Variants in JAKMIP1 observed in about 807,000 individuals in gnomAD.
The protein encoded by JAKMIP1 is janus kinase and microtubule interacting protein 1, also known as janus kinase and microtubule-interacting protein 1.
JAKMIP1 carries 33 observed loss-of-function variants against 113.0 expected under a neutral mutation model. That is an observed-to-expected ratio of 0.29 (90% CI 0.22 to 0.39). JAKMIP1 has a LOEUF of 0.39. JAKMIP1 is among the 10% of genes least tolerant of loss of function. The pLI, the probability that JAKMIP1 is intolerant of heterozygous loss-of-function variation, is 1.00. For missense variants in JAKMIP1, 813 were observed against 1,080.5 expected (o/e 0.75, Z 3.47); for synonymous variants, 480 against 459.9 (o/e 1.04, Z -0.56).
In JAKMIP1 at chr4:6,185,337, C is replaced by T. The variant is rs956895274; in HGVS notation, c.-148+14916G>A. Among the ~76,000 whole-genome samples the T allele has an allele frequency of 1.1e-4, 16 of 152,094 alleles. 1 individual carries two copies. Among genetic ancestry groups the T allele is most frequent in the Middle Eastern group, 3.2e-3 (1 of 316 alleles). ...ACTGGAGAGTGTATTGGAATTGCTC[C>T]GAGGGCTCATTAAAAGCCAGACCCC... On this transcript the variant is annotated intron_variant, in intron 1 of 20. Transcript: ENST00000409021. This position sits in a 1 kb window ranked among gnomAD's most constrained non-coding sequence, Gnocchi z 5.3.
intron 3 of JAKMIP1, among the ~76,000 whole-genome samples, chr4:6,095,792 G>A (rs1199762321): frequency 6.6e-5 from 10 of 150,704 alleles, no homozygotes; most frequent in South Asian, 2.1e-4. Flanking sequence ...GGCGGGGGGC[G>A]TCTGCTATGC....
intron 3 of JAKMIP1, among the ~76,000 whole-genome samples, chr4:6,098,484 A>C (rs1712224641): frequency 6.6e-6 from 1 of 150,868 alleles, no homozygotes; most frequent in Non-Finnish European, 1.5e-5. Context: ...AAGGAAAGAA[A>C]GAAAAGAGAA....
intron 1 of JAKMIP1, among the ~76,000 whole-genome samples, chr4:6,149,775 G>A (rs1721335386): frequency 6.6e-6 from 1 of 152,024 alleles, no homozygotes; most frequent in South Asian, 2.1e-4. Context: ...TTTGCTACCG[G>A]GCTGGGGAAG....
chr4:6,163,423 G>A (rs575102844), intron 1 of JAKMIP1, among the ~76,000 whole-genome samples: 23 of 152,284 alleles, frequency 1.5e-4, no homozygotes, highest in Middle Eastern at 3.4e-3. Flanking sequence ...ATATAATACA[G>A]AGAAGTTAAT....
intron 5 of JAKMIP1, among the ~76,000 whole-genome samples, chr4:6,083,272 G>A (rs1244320737): frequency 4.0e-5 from 6 of 151,822 alleles, no homozygotes; most frequent in Non-Finnish European, 5.9e-5. Context: ...GTGTGTTGGC[G>A]GGTGCCTGTA....
chr4:6,060,627 G>C lies in JAKMIP1; in HGVS notation c.1561-120C>G, dbSNP rs148869483. The C allele has an allele frequency of 1.5e-3, 1,114 of 754,294 alleles. 10 individuals carry two copies. In the African/African-American group the frequency reaches 0.017, roughly 12 times the overall value. The allele number at this position is 754,294 out of a possible 1,614,324, so 46.7% of individuals were successfully genotyped here. ...TCCTTATAGGCAAACCTTAGGAACA[G>C]GTTCACTTTTAGGAGCACGTATTCA... is the stretch of plus-strand genomic sequence containing the variant. On this transcript the variant is annotated intron_variant, in intron 10 of 20. Coordinates refer to ENST00000409021, the MANE Select transcript of JAKMIP1 (RefSeq NM_001099433.2).
chr4:6,045,194 C>T (rs1386198924), intron 16 of JAKMIP1, among the ~76,000 whole-genome samples: 1 of 152,270 alleles, frequency 6.6e-6, no homozygotes, highest in African/African-American at 2.4e-5. Flanking sequence ...ATTCTCCTAT[C>T]CATCGTTACT....
intron 1 of JAKMIP1, among the ~76,000 whole-genome samples, chr4:6,149,303 C>T (rs544620381): frequency 5.3e-5 from 8 of 152,284 alleles, no homozygotes; most frequent in Non-Finnish European, 8.8e-5. Context: ...AGTGTTTACT[C>T]TCCCCACAGG....
At chr4:6,198,992 C>T (rs112551446) in intron 1 of JAKMIP1, among the ~76,000 whole-genome samples, 4,299 of 152,368 alleles carry the variant, frequency 0.028, 203 homozygotes, top group African/African-American at 0.098. Flanking sequence ...ACCTCCTCCT[C>T]TGCTCTGGAA....
chr4:6,121,071 G>A (rs762675438), intron 1 of JAKMIP1, among the ~76,000 whole-genome samples: 10 of 151,880 alleles, frequency 6.6e-5, no homozygotes, highest in South Asian at 2.1e-4. Context: ...AAGGTGGTGC[G>A]CACCTATAAT....
Position 6,078,965 on chromosome 4 carries a change from G to A in JAKMIP1, c.1276C>T (p.Arg426Ter). The A allele has an allele frequency of 6.2e-7, 1 of 1,614,138 alleles. No individual in the cohort carries two copies. Among genetic ancestry groups the A allele is most frequent in the Non-Finnish European group, 8.5e-7 (1 of 1,180,026 alleles). The change falls in exon 8 of 21, where the codon CGA (arginine) becomes TGA (stop). Residue 426 changes from arginine (R) to a stop codon, truncating the protein, a stop_gained. Coordinates refer to ENST00000409021, the MANE Select transcript of JAKMIP1 (RefSeq NM_001099433.2). LOFTEE classifies it high-confidence loss of function. ...TTGGGCGGTTTCAGACTTTTCCCTC[G>A]ATGCCTTTTGGAGCGCAACAGCCGT... is the stretch of plus-strand genomic sequence containing the variant. ...RERLLRSKRH[R>*]GKSLKPPKKH... is the part of the protein sequence containing the mutation.
chr4:6,064,969 ACTC>A lies in JAKMIP1; in HGVS notation c.1339_1341del (p.Glu447del). ...TCGGACAACGTTTCTGAGTCCACAGACTCCTCATCAAATCCAAAAAATGTCTCC... is the reference window on the plus strand; with the variant it reads ...TCGGACAACGTTTCTGAGTCCACAGACTCATCAAATCCAAAAAATGTCTCC... On this transcript the variant is annotated inframe_deletion, in exon 9 of 21. Coordinates refer to ENST00000409021, the MANE Select transcript of JAKMIP1 (RefSeq NM_001099433.2). The surrounding 1 kb of genome is among the most constrained non-coding windows in gnomAD (Gnocchi z 4.3). The A allele has an allele frequency of 6.2e-7, 1 of 1,613,700 alleles. No homozygotes were observed. Among genetic ancestry groups the A allele is most frequent in the South Asian group, 1.1e-5 (1 of 91,052 alleles).
rs1715644527 is a variant in JAKMIP1 at position 6,051,416 on chromosome 4, T to G, written c.1807-737A>C. ...TTTGTATTTAGATTTTGTTTCTTTT[T>G]TAGTAGAGACGGGGTTTCACCATGT... On this transcript the variant is annotated intron_variant, in intron 13 of 20. Transcript: ENST00000409021. The surrounding 1 kb of genome is among the most constrained non-coding windows in gnomAD (Gnocchi z 5.0). Among the ~76,000 whole-genome samples the G allele has an allele frequency of 6.6e-6, 1 of 152,136 alleles. No individual in the cohort carries two copies. Among genetic ancestry groups the G allele is most frequent in the South Asian group, 2.1e-4 (1 of 4,824 alleles).
At chr4:6,196,343 CTG>C (rs1468690779) in intron 1 of JAKMIP1, among the ~76,000 whole-genome samples, 1 of 152,216 alleles carries the variant, frequency 6.6e-6, no homozygotes, top group Non-Finnish European at 1.5e-5. Context: ...AGCTCCTTCC[CTG>C]TCCCTGCCCC....
intron 4 of JAKMIP1, 28 bp from the exon 5 acceptor site, chr4:6,084,993 A>AC (rs1034072302): frequency 6.5e-7 from 1 of 1,542,524 alleles, no homozygotes; most frequent in East Asian, 2.3e-5. Context: ...AAAAAAAAAA[A>AC]AGTCAAGACG....
rs932763248 is a variant in JAKMIP1 at position 6,069,364 on chromosome 4, A to C, written c.1303-4356T>G. ...CTCATTCTGAGCCCATCTACTGAAT[A>C]AAAAGGTAATTCCTCTAGCCTTCCA... is the stretch of plus-strand genomic sequence containing the variant. On this transcript the variant is annotated intron_variant, in intron 8 of 20. Coordinates refer to ENST00000409021, the MANE Select transcript of JAKMIP1 (RefSeq NM_001099433.2). This position sits in a 1 kb window ranked among gnomAD's most constrained non-coding sequence, Gnocchi z 4.5. 6.6e-6 allele frequency among the ~76,000 whole-genome samples: 1 copy of C among 152,224 alleles called. No individual in the cohort carries two copies. Among genetic ancestry groups the C allele is most frequent in the African/African-American group, 2.4e-5 (1 of 41,452 alleles).
chr4:6,172,181 G>A lies in JAKMIP1; in HGVS notation c.-148+28072C>T, dbSNP rs114511221. ...AGGCCAGCACAGATTTCTCTGGTCT[G>A]ACTTGGCAGGAAAGCTGCTCAGGGC... On this transcript the variant is annotated intron_variant, in intron 1 of 20. Coordinates refer to ENST00000409021, the MANE Select transcript of JAKMIP1 (RefSeq NM_001099433.2). Among the ~76,000 whole-genome samples, 1,221 of 152,298 alleles carry A rather than the reference G, an allele frequency of 8.0e-3. 17 individuals carry two copies. Among genetic ancestry groups the A allele is most frequent in the African/African-American group, 0.028 (1,178 of 41,568 alleles).
At chr4:6,190,636 T>G (rs374638068) in intron 1 of JAKMIP1, among the ~76,000 whole-genome samples, 1 of 152,026 alleles carries the variant, frequency 6.6e-6, no homozygotes, top group South Asian at 2.1e-4. Context: ...GGCGGCACGA[T>G]GCCAGGCACC....
At chr4:6,132,594 A>T (rs1163386065) in intron 1 of JAKMIP1, among the ~76,000 whole-genome samples, 2 of 151,132 alleles carry the variant, frequency 1.3e-5, no homozygotes, top group Non-Finnish European at 2.9e-5. Flanking sequence ...GTGAGCTGAG[A>T]TCTCACCACT....
Sources: allele counts gnomAD v4.1 joint callset (sites outside exome capture counted in the v4.1 genomes callset), GRCh38; gene constraint gnomAD v4.1.1; non-coding constraint Gnocchi (gnomAD v3.1); transcripts MANE v1.5; gene names NCBI Gene and HGNC (gene_info 2026-07-23, HGNC 2026-07-21).